Variants in TBC1D19 observed in about 807,000 individuals in gnomAD.
The protein encoded by TBC1D19 is TBC1 domain family member 19, also known as TBC1 domain family, member 19.
TBC1D19 carries 60 observed loss-of-function variants against 89.0 expected under a neutral mutation model. The ratio of observed to expected loss-of-function variants is 0.67; its 90% CI spans 0.55 to 0.84. The LOEUF (loss-of-function observed/expected upper bound fraction) is 0.84. TBC1D19 is among the 40% of genes least tolerant of loss of function. TBC1D19 has a pLI of 0.00. For synonymous variants in TBC1D19, 189 were observed against 199.7 expected (o/e 0.95, Z 0.45); for missense variants, 500 against 610.8 (o/e 0.82, Z 1.91).
At chr4:26,811,084 A>T in the TBC1D19 span, among the ~76,000 whole-genome samples, 4 of 152,260 alleles carry the variant, frequency 2.6e-5, no homozygotes, top group Non-Finnish European at 5.9e-5. Flanking sequence ...TATTTACAAT[A>T]GCAAAGACTT....
chr4:26,602,616 A>G (rs1740697989), intron 1 of TBC1D19, among the ~76,000 whole-genome samples: 1 of 151,830 alleles, frequency 6.6e-6, no homozygotes, highest in Admixed American at 6.5e-5. Context: ...AATTTTTTGT[A>G]TATTTAGTAG....
chr4:26,746,194 A>T (rs1353485483), intron 18 of TBC1D19, among the ~76,000 whole-genome samples: 1 of 151,904 alleles, frequency 6.6e-6, no homozygotes, highest in Non-Finnish European at 1.5e-5. Flanking sequence ...ATGAAGAAAA[A>T]TAAGGTTTGT....
chr4:26,694,608 C>T (rs900078294), intron 13 of TBC1D19, among the ~76,000 whole-genome samples: 1 of 152,232 alleles, frequency 6.6e-6, no homozygotes, highest in Non-Finnish European at 1.5e-5. Flanking sequence ...AAGTGGGTCC[C>T]TGACCCCTGA....
chr4:26,747,427 T>A (rs1484668643), intron 18 of TBC1D19, among the ~76,000 whole-genome samples: 2 of 152,234 alleles, frequency 1.3e-5, no homozygotes, highest in African/African-American at 4.8e-5. Flanking sequence ...ACATGTACTT[T>A]GTTATATTAG....
intron 11 of TBC1D19, among the ~76,000 whole-genome samples, chr4:26,678,170 A>G (rs1713004303): frequency 6.6e-6 from 1 of 152,204 alleles, no homozygotes; most frequent in African/African-American, 2.4e-5. Flanking sequence ...TGGACAATGA[A>G]GTCCAGGCTG....
At chr4:26,830,641 C>A in the TBC1D19 span, among the ~76,000 whole-genome samples, 2 of 152,128 alleles carry the variant, frequency 1.3e-5, no homozygotes, top group African/African-American at 4.8e-5. Context: ...TGGTTTCTGC[C>A]TATGATTACA....
the TBC1D19 span, among the ~76,000 whole-genome samples, chr4:26,789,759 C>G: frequency 2.0e-5 from 3 of 152,124 alleles, no homozygotes; most frequent in African/African-American, 7.2e-5. Flanking sequence ...TATCACAGAA[C>G]TATGCACCAT....
chr4:26,710,113 G>A (rs1716056832), intron 13 of TBC1D19, among the ~76,000 whole-genome samples: 1 of 151,948 alleles, frequency 6.6e-6, no homozygotes, highest in Non-Finnish European at 1.5e-5. Context: ...CATGTGCCAT[G>A]TTGGTGTGCT....
At chr4:26,620,569 A>C (rs940333264) in intron 3 of TBC1D19, 44 bp from the exon 4 acceptor site, 4 of 1,536,066 alleles carry the variant, frequency 2.6e-6, no homozygotes, top group Admixed American at 1.7e-5. Flanking sequence ...ATATCTAACC[A>C]AGAGAATAAT....
At chr4:26,694,421 A>G (rs538939595) in intron 13 of TBC1D19, among the ~76,000 whole-genome samples, 258 of 152,280 alleles carry the variant, frequency 1.7e-3, no homozygotes, top group African/African-American at 6.0e-3. Flanking sequence ...GGTGGAGCGC[A>G]CCTCAGCTCA....
chr4:26,620,239 A>T (rs1254924767), intron 3 of TBC1D19, among the ~76,000 whole-genome samples: 3 of 152,212 alleles, frequency 2.0e-5, no homozygotes, highest in Non-Finnish European at 2.9e-5. Flanking sequence ...TGGTTTAAAT[A>T]TAAAATCCCC....
At chr4:26,822,511 T>C in the TBC1D19 span, among the ~76,000 whole-genome samples, 1 of 152,196 alleles carries the variant, frequency 6.6e-6, no homozygotes, top group Non-Finnish European at 1.5e-5. Context: ...TAAAGTTCCA[T>C]GGAAATATAT....
At chr4:26,653,008 T>G in intron 7 of TBC1D19, among the ~76,000 whole-genome samples, 1 of 152,086 alleles carries the variant, frequency 6.6e-6, no homozygotes, top group Non-Finnish European at 1.5e-5. Context: ...GGCATTTAGT[T>G]CCATAAATTT....
At chr4:26,769,707 G>A in the TBC1D19 span, among the ~76,000 whole-genome samples, 5 of 151,704 alleles carry the variant, frequency 3.3e-5, 1 homozygote, top group African/African-American at 1.2e-4. Flanking sequence ...CACTATACCT[G>A]GCTAATTTTT....
At chr4:26,686,897 G>C (rs1325649576) in intron 12 of TBC1D19, among the ~76,000 whole-genome samples, 1 of 152,110 alleles carries the variant, frequency 6.6e-6, no homozygotes, top group Non-Finnish European at 1.5e-5. Flanking sequence ...GAATTTTATA[G>C]ACTGTTAGAG....
the TBC1D19 span, among the ~76,000 whole-genome samples, chr4:26,832,812 G>A: frequency 6.6e-6 from 1 of 152,040 alleles, no homozygotes; most frequent in Non-Finnish European, 1.5e-5. Flanking sequence ...TGGCAAACAT[G>A]GCAAAACCCC....
At chr4:26,786,769 A>ATGGATGGATGGATGGATGGATGGATGGG in the TBC1D19 span, among the ~76,000 whole-genome samples, 3 of 146,888 alleles carry the variant, frequency 2.0e-5, no homozygotes, top group South Asian at 4.6e-4. Flanking sequence ...GGATGGATGG[A>ATGGATGGATGGATGGATGGATGGATGGG]TGGATGGATG....
At chr4:26,725,153 G>A (rs948477433) in intron 15 of TBC1D19, among the ~76,000 whole-genome samples, 2 of 152,196 alleles carry the variant, frequency 1.3e-5, no homozygotes, top group Non-Finnish European at 2.9e-5. Flanking sequence ...CTTCATGGCT[G>A]CTGCCAAGTT....
At chr4:26,855,716 T>G in the TBC1D19 span, among the ~76,000 whole-genome samples, 2 of 152,250 alleles carry the variant, frequency 1.3e-5, no homozygotes, top group Non-Finnish European at 2.9e-5. Context: ...TGTGGCATCT[T>G]TTTCTAAAGT....
Sources: gnomAD v4.1 joint callset for allele counts (sites outside exome capture counted in the v4.1 genomes callset) on GRCh38, gnomAD v4.1.1 for gene constraint, MANE v1.5 for transcripts, NCBI Gene and HGNC (gene_info 2026-07-23, HGNC 2026-07-21) for gene names.